The following HYCC1 variants were observed in gnomAD, a reference collection of about 807,000 sequenced individuals.
HYCC1 encodes the protein hyccin PI4KA lipid kinase complex subunit 1, also known as hyccin.
At chr7:22,997,487 G>A in the HYCC1 span, among the ~76,000 whole-genome samples, 1 of 152,176 alleles carries the variant, frequency 6.6e-6, no homozygotes, top group African/African-American at 2.4e-5. Flanking sequence ...GGCCATTGCT[G>A]TAGTTAAATT....
chr7:22,913,507 G>A, the HYCC1 span, among the ~76,000 whole-genome samples: 1 of 152,178 alleles, frequency 6.6e-6, no homozygotes, highest in African/African-American at 2.4e-5. Flanking sequence ...ACATCCAGAT[G>A]GCCTGAAGCA....
chr7:22,916,907 C>T, the HYCC1 span, among the ~76,000 whole-genome samples: 4 of 152,332 alleles, frequency 2.6e-5, no homozygotes, highest in Non-Finnish European at 1.5e-5. Flanking sequence ...AATATGCCTT[C>T]CATATCCTGC....
chr7:22,981,294 T>A, the HYCC1 span, among the ~76,000 whole-genome samples: 2 of 152,144 alleles, frequency 1.3e-5, no homozygotes, highest in African/African-American at 4.8e-5. Context: ...TAAAACTGAA[T>A]AATGAAAAAG....
At chr7:22,984,614 C>A in the HYCC1 span, among the ~76,000 whole-genome samples, 8 of 151,978 alleles carry the variant, frequency 5.3e-5, no homozygotes, top group Non-Finnish European at 8.8e-5. Flanking sequence ...CTTGGCTACT[C>A]GAGAAGCTAA....
At chr7:22,999,900 G>A in the HYCC1 span, among the ~76,000 whole-genome samples, 3 of 151,948 alleles carry the variant, frequency 2.0e-5, no homozygotes, top group African/African-American at 7.3e-5. Context: ...TTTTCTAGAC[G>A]AATAATTGCA....
chr7:22,907,872 A>T, the HYCC1 span, among the ~76,000 whole-genome samples: 37,970 of 152,140 alleles, frequency 0.25, 4,920 homozygotes, highest in East Asian at 0.48. Flanking sequence ...AGATCACACC[A>T]CTGCTCTCCA....
At chr7:22,897,987 G>A in the HYCC1 span, among the ~76,000 whole-genome samples, 6 of 151,872 alleles carry the variant, frequency 4.0e-5, no homozygotes, top group South Asian at 2.1e-4. Flanking sequence ...ATTCTTCTAC[G>A]CCAACTCCTT....
the HYCC1 span, chr7:22,977,501 A>T: frequency 3.5e-6 from 3 of 849,854 alleles, no homozygotes; most frequent in Non-Finnish European, 5.6e-6. Context: ...ATAGTCTAAA[A>T]CATTTTTTTG....
chr7:22,985,949 T>C, the HYCC1 span, among the ~76,000 whole-genome samples: 7 of 150,702 alleles, frequency 4.6e-5, no homozygotes, highest in African/African-American at 1.7e-4. Context: ...CTAACATATA[T>C]ATCTAACTAT....
chr7:23,003,124 T>G, the HYCC1 span, among the ~76,000 whole-genome samples: 1 of 152,146 alleles, frequency 6.6e-6, no homozygotes, highest in African/African-American at 2.4e-5. Flanking sequence ...GCCTTCAACT[T>G]ATGAATTTTG....
At chr7:22,922,324 G>C in the HYCC1 span, among the ~76,000 whole-genome samples, 1,105 of 152,284 alleles carry the variant, frequency 7.3e-3, 13 homozygotes, top group Non-Finnish European at 9.1e-3. Context: ...CTCAATTTAC[G>C]ATAGGGTTAT....
chr7:22,920,287 T>C, the HYCC1 span, among the ~76,000 whole-genome samples: 2 of 152,308 alleles, frequency 1.3e-5, no homozygotes, highest in East Asian at 1.9e-4. Context: ...TGAGCCATGA[T>C]TGTGCCACTG....
At chr7:22,916,173 A>G in the HYCC1 span, among the ~76,000 whole-genome samples, 1 of 152,174 alleles carries the variant, frequency 6.6e-6, no homozygotes, top group Non-Finnish European at 1.5e-5. Context: ...TTTAAAGCCT[A>G]TAAACTCTCC....
chr7:22,938,290 T>C, the HYCC1 span: 2 of 152,202 alleles, frequency 1.3e-5, no homozygotes, highest in African/African-American at 2.4e-5. Context: ...TTTTCAGGAA[T>C]CTTCAAGAAC....
At chr7:22,934,400 A>G in the HYCC1 span, 1 of 152,058 alleles carries the variant, frequency 6.6e-6, no homozygotes, top group Non-Finnish European at 1.5e-5. Context: ...TGTGGTTTCC[A>G]TAACTTGTTT....
the HYCC1 span, among the ~76,000 whole-genome samples, chr7:22,904,318 C>T: frequency 6.6e-6 from 1 of 151,572 alleles, no homozygotes; most frequent in Non-Finnish European, 1.5e-5. Flanking sequence ...GTAGTCTCAG[C>T]TACTTGGGAG....
the HYCC1 span, among the ~76,000 whole-genome samples, chr7:23,002,171 TATATAC>T: frequency 0.32 from 29,267 of 92,512 alleles, 4,100 homozygotes; most frequent in South Asian, 0.43. Context: ...TATATATATA[TATATAC>T]ATATAGTTTG....
chr7:22,979,870 T>C, the HYCC1 span, among the ~76,000 whole-genome samples: 15 of 152,290 alleles, frequency 9.8e-5, no homozygotes, highest in East Asian at 2.7e-3. Context: ...TAGAAATATA[T>C]TGCAACAAGA....
the HYCC1 span, among the ~76,000 whole-genome samples, chr7:22,911,958 A>AT: frequency 6.6e-6 from 1 of 152,122 alleles, no homozygotes; most frequent in Admixed American, 6.5e-5. Flanking sequence ...TTGGCTAGTG[A>AT]TTTTGCCATA....
Sources: gnomAD v4.1 joint callset for allele counts (sites outside exome capture counted in the v4.1 genomes callset) on GRCh38, gnomAD v4.1.1 for gene constraint, MANE v1.5 for transcripts, NCBI Gene and HGNC (gene_info 2026-07-23, HGNC 2026-07-21) for gene names.